Variants in CCDC34 observed in about 807,000 individuals in gnomAD.
CCDC34 encodes coiled-coil domain-containing protein 34.
CCDC34 carries 40 observed loss-of-function variants against 44.1 expected under a neutral mutation model. That is an observed-to-expected ratio of 0.91 (90% CI 0.70 to 1.18). The LOEUF is 1.18. Ranked by LOEUF, CCDC34 falls within the 50% of genes most tolerant of loss-of-function variation. The probability of loss-of-function intolerance (pLI) is 0.00; values close to 1 mark genes in which losing one functional copy is unlikely to be tolerated. For synonymous variants in CCDC34, 159 were observed against 158.2 expected (o/e 1.01, Z -0.04); for missense variants, 466 against 452.3 (o/e 1.03, Z -0.28).
rs1276949388 is a variant in CCDC34 at position 27,338,622 on chromosome 11, A to G, written c.*199T>C. The G allele has an allele frequency of 1.9e-6, 1 of 530,510 alleles. No individual in the cohort carries two copies. 32.9% of individuals were successfully genotyped at this position (530,510 alleles called of 1,614,324 possible). A position where few individuals can be genotyped will look rare whatever the true frequency, so the allele number is the denominator to read the frequency against. ...ACTTATTCTGCAAAACAACATGCCA[A>G]GATCAACCTTAAAAAGTTTATAAAA... On this transcript the variant is annotated 3_prime_UTR_variant, in exon 6 of 6. Transcript: ENST00000328697.
chr11:27,346,321 G>A (rs1269645426), intron 3 of CCDC34, among the ~76,000 whole-genome samples: 1 of 151,768 alleles, frequency 6.6e-6, no homozygotes, highest in Non-Finnish European at 1.5e-5. Flanking sequence ...GCTTGAGCCC[G>A]GGAGGCAGAG....
chr11:27,362,912 C>T lies in CCDC34; in HGVS notation c.283G>A (p.Asp95Asn). Residue 95 changes from aspartate to asparagine, a missense_variant, in exon 1 of 6, where the codon GAC (aspartate) becomes AAC (asparagine). Transcript: ENST00000328697. ...GAATCATGGGCATCTTCATCCACGTCTTCCTCATCATCCACGTCTTCCTCA... is the reference window on the plus strand; with the variant it reads ...GAATCATGGGCATCTTCATCCACGTTTTCCTCATCATCCACGTCTTCCTCA... ...EDEEDVDDEE[D>N]VDEDAHDSEA... is the part of the protein sequence containing the mutation. 6.3e-7 allele frequency: 1 copy of T among 1,592,084 alleles called. No individual in the cohort carries two copies. The highest frequency in any genetic ancestry group is 8.5e-7 in the Non-Finnish European group (1 of 1,175,060).
intron 3 of CCDC34, among the ~76,000 whole-genome samples, chr11:27,343,710 G>A (rs1339776854): frequency 6.6e-6 from 1 of 152,180 alleles, no homozygotes; most frequent in East Asian, 1.9e-4. Flanking sequence ...TTTATTGAGT[G>A]CTAACTATGC....
chr11:27,349,897 A>T, intron 3 of CCDC34: 2 of 1,007,136 alleles, frequency 2.0e-6, no homozygotes, highest in Non-Finnish European at 2.4e-6. Flanking sequence ...GTAATTGTAA[A>T]GAAAAGGAGG....
At chr11:27,348,965 C>T in intron 3 of CCDC34, 6 of 985,048 alleles carry the variant, frequency 6.1e-6, no homozygotes, top group Non-Finnish European at 6.0e-6. Context: ...AGCCACTTCC[C>T]TCCAAAAGAA....
intron 2 of CCDC34, among the ~76,000 whole-genome samples, chr11:27,355,545 T>C (rs770330039): frequency 1.6e-4 from 24 of 152,076 alleles, no homozygotes; most frequent in Non-Finnish European, 2.9e-4. Context: ...TAAATAACAA[T>C]ACAAATAAAA....
chr11:27,359,878 A>G (rs569354554), intron 1 of CCDC34, among the ~76,000 whole-genome samples: 2 of 151,950 alleles, frequency 1.3e-5, no homozygotes, highest in East Asian at 1.9e-4. Flanking sequence ...TGGAGCCACA[A>G]CTCTTGGGCT....
intron 2 of CCDC34, among the ~76,000 whole-genome samples, chr11:27,351,434 A>G (rs1179133875): frequency 6.6e-6 from 1 of 152,208 alleles, no homozygotes; most frequent in African/African-American, 2.4e-5. Context: ...TCTGTCTTCC[A>G]TAATCACTCA....
intron 1 of CCDC34, among the ~76,000 whole-genome samples, chr11:27,359,881 CT>C (rs368246095): frequency 1.7e-4 from 26 of 152,312 alleles, no homozygotes; most frequent in African/African-American, 6.0e-4. Context: ...AGCCACAACT[CT>C]TGGGCTTCCT....
intron 4 of CCDC34, 67 bp from the exon 5 acceptor site, chr11:27,340,904 CT>C: frequency 6.6e-7 from 1 of 1,512,180 alleles, no homozygotes; most frequent in Non-Finnish European, 9.0e-7. Flanking sequence ...TCAAATTCTA[CT>C]GATTTTTTTT....
chr11:27,362,115 G>T (rs561226702), intron 1 of CCDC34, among the ~76,000 whole-genome samples: 16 of 152,274 alleles, frequency 1.1e-4, no homozygotes, highest in African/African-American at 3.8e-4. Flanking sequence ...AAAATAAGTG[G>T]ATTGATTTAG....
intron 3 of CCDC34, among the ~76,000 whole-genome samples, chr11:27,344,817 A>G (rs1364673425): frequency 6.6e-6 from 1 of 152,138 alleles, no homozygotes; most frequent in East Asian, 1.9e-4. Context: ...CTATTAGGAC[A>G]GGCATTATTA....
At chr11:27,356,417 A>T (rs1244576343) in intron 2 of CCDC34, among the ~76,000 whole-genome samples, 2 of 152,064 alleles carry the variant, frequency 1.3e-5, no homozygotes, top group African/African-American at 4.8e-5. Context: ...ATACATTTTA[A>T]ATATATTTAA....
At position 27,350,383 on chromosome 11, in the gene CCDC34, C is replaced by G. The variant is rs1317635695; in HGVS notation, c.555G>C (p.Lys185Asn). The G allele has an allele frequency of 1.9e-6, 3 of 1,613,278 alleles. No homozygotes were observed. Among genetic ancestry groups the G allele is most frequent in the Non-Finnish European group, 2.5e-6 (3 of 1,179,666 alleles). The change falls in exon 3 of 6, where the codon AAG becomes AAC. Residue 185 changes from lysine to asparagine, a missense_variant. Lys to Asn is a moderately conservative substitution (Grantham distance 94). Transcript: ENST00000328697. ...RKEMEEREKR[K>N]IIAEEKHKEW... is the part of the protein sequence containing the mutation. The stretch of plus-strand genomic sequence containing the variant: ...CCTTGTGCTTTTCTTCAGCAATTAT[C>G]TTTCTTTTTTCACGTTCTTCCATTT...
At chr11:27,349,575 T>C in intron 3 of CCDC34, 8 of 971,782 alleles carry the variant, frequency 8.2e-6, no homozygotes, top group Non-Finnish European at 9.8e-6. Context: ...ATAAAAGCAG[T>C]ACCACTCTAA....
intron 2 of CCDC34, among the ~76,000 whole-genome samples, chr11:27,356,104 C>T (rs866718275): frequency 2.7e-5 from 4 of 145,474 alleles, no homozygotes; most frequent in South Asian, 2.3e-4. Context: ...CCACAACCTC[C>T]GCCTCCTGGG....
intron 3 of CCDC34, among the ~76,000 whole-genome samples, chr11:27,343,909 A>C (rs1335771378): frequency 6.6e-6 from 1 of 152,186 alleles, no homozygotes; most frequent in Non-Finnish European, 1.5e-5. Context: ...AAATGGGAGA[A>C]TGTTAAAACC....
intron 1 of CCDC34, among the ~76,000 whole-genome samples, chr11:27,361,256 C>T (rs1862659401): frequency 6.6e-6 from 1 of 152,192 alleles, no homozygotes; most frequent in Non-Finnish European, 1.5e-5. Context: ...GTGAGACGTA[C>T]ATACGTTCAC....
chr11:27,346,195 T>G (rs1267281001), intron 3 of CCDC34, among the ~76,000 whole-genome samples: 1 of 151,964 alleles, frequency 6.6e-6, no homozygotes, highest in Non-Finnish European at 1.5e-5. Flanking sequence ...GGGGATTTCA[T>G]GACCAGCCTG....
Sources: gnomAD v4.1 joint callset for allele counts (sites outside exome capture counted in the v4.1 genomes callset) on GRCh38, gnomAD v4.1.1 for gene constraint, MANE v1.5 for transcripts, NCBI Gene and HGNC (gene_info 2026-07-23, HGNC 2026-07-21) for gene names.